Variants in SPRR2B observed in about 807,000 individuals in gnomAD.
The protein encoded by SPRR2B is small proline rich protein 2B.
Under a neutral mutation model 1.0 loss-of-function variants are expected in SPRR2B, and 1 was observed. The observed-to-expected ratio is 1.01, with a 90% confidence interval of 0.36 to 4.77. The LOEUF is 4.77. Ranked by LOEUF, SPRR2B falls within the 30% of genes most tolerant of loss-of-function variation. The probability of loss-of-function intolerance (pLI) is 0.16; values close to 1 mark genes in which losing one functional copy is unlikely to be tolerated. For missense variants in SPRR2B, 53 were observed against 88.7 expected (o/e 0.60, Z 1.62); for synonymous variants, 27 against 33.4 (o/e 0.81, Z 0.66).
At chr1:153,081,614 A>T in the SPRR2B span, among the ~76,000 whole-genome samples, 3 of 152,230 alleles carry the variant, frequency 2.0e-5, no homozygotes, top group African/African-American at 7.2e-5. Context: ...AAAATCTCTG[A>T]TAAATGTACA....
upstream of SPRR2B, among the ~76,000 whole-genome samples, chr1:153,072,901 G>A (rs180767969): frequency 6.6e-6 from 1 of 152,124 alleles, no homozygotes; most frequent in Non-Finnish European, 1.5e-5. Flanking sequence ...TTAAAATACT[G>A]CTGCTGGAGC....
chr1:153,081,648 T>C, the SPRR2B span, among the ~76,000 whole-genome samples: 1 of 152,208 alleles, frequency 6.6e-6, no homozygotes, highest in Admixed American at 6.5e-5. Flanking sequence ...GCCAGCATTA[T>C]TGAAATTTTA....
chr1:153,071,435 T>C (rs1049335229), intron 1 of SPRR2B, among the ~76,000 whole-genome samples, 134 bp downstream of exon 1: 1 of 152,204 alleles, frequency 6.6e-6, no homozygotes, highest in Non-Finnish European at 1.5e-5. Flanking sequence ...TATCACATAG[T>C]CTAATCCTGT....
chr1:153,079,845 C>T, the SPRR2B span, among the ~76,000 whole-genome samples: 4,528 of 151,946 alleles, frequency 0.03, 202 homozygotes, highest in African/African-American at 0.1. Flanking sequence ...CTTGGCAATG[C>T]GGGCTCTTTT....
At chr1:153,074,888 G>A (rs771948682), upstream of SPRR2B, among the ~76,000 whole-genome samples, 16 of 152,120 alleles carry the variant, frequency 1.1e-4, no homozygotes, top group Non-Finnish European at 2.2e-4. Context: ...GCTAAAGGTG[G>A]AGCTGGATGG....
In SPRR2B at chr1:153,070,287, A is replaced by G; in HGVS notation, c.*334T>C. The G allele has an allele frequency of 4.3e-6, 2 of 469,244 alleles. No homozygotes were observed. Among genetic ancestry groups the G allele is most frequent in the Non-Finnish European group, 7.4e-6 (2 of 268,852 alleles). The allele number at this position is 469,244 out of a possible 1,614,324, so 29.1% of individuals were successfully genotyped here. On this transcript the variant is annotated 3_prime_UTR_variant, in exon 2 of 2. Transcript: ENST00000368755. ...AAGTGACAATTGCACAGGTGGTAGAAGCTCATGCCCAGGTGAAAGACAGAC... is the reference window on the plus strand; with the variant it reads ...AAGTGACAATTGCACAGGTGGTAGAGGCTCATGCCCAGGTGAAAGACAGAC...
chr1:153,076,242 A>C (rs1041326867), upstream of SPRR2B, among the ~76,000 whole-genome samples: 1 of 152,190 alleles, frequency 6.6e-6, no homozygotes, highest in Non-Finnish European at 1.5e-5. Context: ...CATTAGCACT[A>C]ATCTTTCCAA....
chr1:153,087,128 A>G, the SPRR2B span, among the ~76,000 whole-genome samples: 1 of 152,080 alleles, frequency 6.6e-6, no homozygotes, highest in Non-Finnish European at 1.5e-5. Context: ...AAAATACAAA[A>G]AATTAGCCAA....
upstream of SPRR2B, among the ~76,000 whole-genome samples, chr1:153,074,014 T>C (rs538543061): frequency 2.7e-4 from 41 of 152,330 alleles, no homozygotes; most frequent in African/African-American, 9.9e-4. Context: ...ATATGTAGCT[T>C]TGGCTACTAC....
upstream of SPRR2B, among the ~76,000 whole-genome samples, chr1:153,073,505 G>A (rs181995710): frequency 1.9e-4 from 29 of 152,206 alleles, no homozygotes; most frequent in Middle Eastern, 3.4e-3. Flanking sequence ...GCACCAGAGC[G>A]GCAGCAGCCC....
chr1:153,077,574 A>G, the SPRR2B span, among the ~76,000 whole-genome samples: 7 of 151,168 alleles, frequency 4.6e-5, no homozygotes, highest in African/African-American at 1.7e-4. Context: ...TGTGAACGCA[A>G]AAAAAAAAGG....
the SPRR2B span, among the ~76,000 whole-genome samples, chr1:153,079,408 C>T: frequency 6.6e-6 from 1 of 152,118 alleles, no homozygotes; most frequent in Non-Finnish European, 1.5e-5. Flanking sequence ...GTTGACATTG[C>T]TTTTGGTGTT....
the SPRR2B span, among the ~76,000 whole-genome samples, chr1:153,086,116 C>T: frequency 6.6e-6 from 1 of 152,252 alleles, no homozygotes; most frequent in East Asian, 1.9e-4. Flanking sequence ...ATAAGGCAAC[C>T]ACATAAACAA....
At chr1:153,082,743 A>G in the SPRR2B span, among the ~76,000 whole-genome samples, 2 of 151,576 alleles carry the variant, frequency 1.3e-5, no homozygotes, top group African/African-American at 4.9e-5. Flanking sequence ...CCATAACCAC[A>G]TACATTTTTA....
upstream of SPRR2B, among the ~76,000 whole-genome samples, chr1:153,075,813 A>G (rs1021845388): frequency 6.6e-6 from 1 of 152,208 alleles, no homozygotes; most frequent in African/African-American, 2.4e-5. Context: ...CAAATGTATG[A>G]TTTGAATGAA....
At chr1:153,075,346 A>AAAAT (rs1037448178), upstream of SPRR2B, among the ~76,000 whole-genome samples, 84 of 152,236 alleles carry the variant, frequency 5.5e-4, no homozygotes, top group Admixed American at 4.2e-3. Context: ...TATCTCAAAA[A>AAAAT]AAATAAATAA....
chr1:153,082,065 T>A, the SPRR2B span, among the ~76,000 whole-genome samples: 8 of 152,272 alleles, frequency 5.3e-5, no homozygotes, highest in South Asian at 1.5e-3. Context: ...AACTTTTTGA[T>A]GCAATTGGGG....
chr1:153,086,688 C>T, the SPRR2B span, among the ~76,000 whole-genome samples: 5 of 152,220 alleles, frequency 3.3e-5, no homozygotes, highest in African/African-American at 9.6e-5. Flanking sequence ...AGAAAACTAA[C>T]AGTGTTATTC....
chr1:153,085,120 C>T, the SPRR2B span, among the ~76,000 whole-genome samples: 1 of 152,120 alleles, frequency 6.6e-6, no homozygotes, highest in African/African-American at 2.4e-5. Context: ...GCCAAGGTGT[C>T]TTTGTTCCTC....
Sources: allele counts gnomAD v4.1 joint callset (sites outside exome capture counted in the v4.1 genomes callset), GRCh38; gene constraint gnomAD v4.1.1; transcripts MANE v1.5; gene names NCBI Gene and HGNC (gene_info 2026-07-23, HGNC 2026-07-21).